Variants in ADAMTSL1 observed in about 807,000 individuals in gnomAD.
ADAMTSL1 encodes ADAMTS like 1, also known as ADAMTS-like protein 1.
In ADAMTSL1, 126 loss-of-function variants were observed where a neutral mutation model predicts 201.8. The observed-to-expected ratio is 0.62, with a 90% CI of 0.54 to 0.72. The LOEUF (loss-of-function observed/expected upper bound fraction) is 0.72. Among genes scored for constraint, ADAMTSL1 ranks in the 30% least tolerant of loss-of-function variants. The pLI, the probability that ADAMTSL1 is intolerant of heterozygous loss-of-function variation, is 0.00. For synonymous variants in ADAMTSL1, 1,121 were observed against 903.4 expected (o/e 1.24, Z -4.32); for missense variants, 2,679 against 2,277.8 (o/e 1.18, Z -3.59).
At chr9:18,415,112 C>T (rs1332605733) in intron 2 of ADAMTSL1, among the ~76,000 whole-genome samples, 1 of 152,126 alleles carries the variant, frequency 6.6e-6, no homozygotes, top group Non-Finnish European at 1.5e-5. Context: ...AGAATGTTTA[C>T]ATAAATACAG....
intron 2 of ADAMTSL1, among the ~76,000 whole-genome samples, chr9:18,311,466 A>G (rs1834154140): frequency 6.6e-6 from 1 of 152,142 alleles, no homozygotes; most frequent in African/African-American, 2.4e-5. Flanking sequence ...TATCAAAGTT[A>G]CCAAGGGTAG....
chr9:18,530,328 A>G (rs1029678571), intron 2 of ADAMTSL1, among the ~76,000 whole-genome samples: 4 of 152,176 alleles, frequency 2.6e-5, no homozygotes, highest in Admixed American at 1.3e-4. Flanking sequence ...TTTCATGGAT[A>G]TAAGGTTAGG....
chr9:18,142,906 A>G (rs1826461804), intron 1 of ADAMTSL1, among the ~76,000 whole-genome samples: 1 of 152,202 alleles, frequency 6.6e-6, no homozygotes, highest in South Asian at 2.1e-4. Context: ...TTTGTTTTCT[A>G]GTCTATCACA....
intron 2 of ADAMTSL1, among the ~76,000 whole-genome samples, chr9:18,305,318 T>G (rs1485126893): frequency 2.6e-5 from 4 of 152,174 alleles, no homozygotes; most frequent in Non-Finnish European, 5.9e-5. Context: ...GGAGATTTTT[T>G]TCATTCCCCA....
chr9:18,773,397 CA>C (rs144410427), intron 17 of ADAMTSL1, among the ~76,000 whole-genome samples: 1 of 151,602 alleles, frequency 6.6e-6, no homozygotes, highest in African/African-American at 2.4e-5. Context: ...CCTTTCCCCC[CA>C]AAAAAAATTC....
At chr9:18,719,793 C>A (rs2133413238) in intron 14 of ADAMTSL1, among the ~76,000 whole-genome samples, 1 of 152,236 alleles carries the variant, frequency 6.6e-6, no homozygotes, top group South Asian at 2.1e-4. Context: ...TCACATCAAC[C>A]TAGGAAGTAT....
intron 2 of ADAMTSL1, among the ~76,000 whole-genome samples, chr9:18,391,338 A>G (rs1251001492): frequency 6.6e-6 from 1 of 152,210 alleles, no homozygotes; most frequent in African/African-American, 2.4e-5. Flanking sequence ...CATCCGTGTT[A>G]TAATAGTTTG....
At chr9:18,190,354 C>G (rs1361163215) in intron 2 of ADAMTSL1, among the ~76,000 whole-genome samples, 1 of 152,164 alleles carries the variant, frequency 6.6e-6, no homozygotes, top group South Asian at 2.1e-4. Context: ...AATGGAAAAT[C>G]CATCTAAGCT....
intron 9 of ADAMTSL1, among the ~76,000 whole-genome samples, chr9:18,664,363 G>C (rs1829300467): frequency 6.6e-6 from 1 of 151,954 alleles, no homozygotes; most frequent in Admixed American, 6.6e-5. Flanking sequence ...AGACAGTGCA[G>C]AATCAAACCC....
chr9:18,691,510 A>T (rs1004942942), intron 13 of ADAMTSL1, among the ~76,000 whole-genome samples: 1 of 152,192 alleles, frequency 6.6e-6, no homozygotes, highest in African/African-American at 2.4e-5. Context: ...AGGCTATAGA[A>T]ACTACAGATA....
chr9:18,594,963 C>T (rs550543126), intron 4 of ADAMTSL1, among the ~76,000 whole-genome samples: 1 of 152,228 alleles, frequency 6.6e-6, no homozygotes, highest in South Asian at 2.1e-4. Context: ...GAGGGCCTTC[C>T]AGGGATTCTA....
At chr9:18,503,540 C>T (rs1256037167) in intron 1 of ADAMTSL1, among the ~76,000 whole-genome samples, 1 of 151,468 alleles carries the variant, frequency 6.6e-6, no homozygotes, top group East Asian at 1.9e-4. Context: ...CAAAAAGATT[C>T]ATTGATTCAT....
intron 1 of ADAMTSL1, among the ~76,000 whole-genome samples, chr9:18,489,956 G>A (rs1822186138): frequency 6.6e-6 from 1 of 152,142 alleles, no homozygotes; most frequent in Non-Finnish European, 1.5e-5. Context: ...GTAGTATTAT[G>A]AGGATCAAAT....
chr9:18,029,594 A>G (rs1029731598), intron 1 of ADAMTSL1, among the ~76,000 whole-genome samples: 4 of 152,130 alleles, frequency 2.6e-5, no homozygotes, highest in Admixed American at 6.5e-5. Context: ...AGAAACTACC[A>G]TCAGAGTGAA....
intron 2 of ADAMTSL1, among the ~76,000 whole-genome samples, chr9:18,369,303 G>C (rs922247075): frequency 1.3e-5 from 2 of 152,110 alleles, no homozygotes; most frequent in African/African-American, 4.8e-5. Context: ...TTTCTTGTCT[G>C]TAAAATGGAT....
chr9:17,999,306 C>A (rs562327132), intron 1 of ADAMTSL1, among the ~76,000 whole-genome samples: 1 of 151,542 alleles, frequency 6.6e-6, no homozygotes, highest in African/African-American at 2.4e-5. Context: ...ACTGGTGAAG[C>A]CTATCACAGA....
At chr9:18,456,709 CT>C (rs1218473914) in intron 2 of ADAMTSL1, among the ~76,000 whole-genome samples, 1 of 152,150 alleles carries the variant, frequency 6.6e-6, no homozygotes, top group Non-Finnish European at 1.5e-5. Context: ...CTCACGCCAA[CT>C]TGCTTTAATT....
chr9:18,600,288 G>A (rs1824554471), intron 4 of ADAMTSL1, among the ~76,000 whole-genome samples: 1 of 152,152 alleles, frequency 6.6e-6, no homozygotes, highest in Admixed American at 6.5e-5. Flanking sequence ...CTCTAACCAT[G>A]CCAGACACTC....
rs567325200 is a variant in ADAMTSL1 at position 18,293,157 on chromosome 9, A to G, written c.207+129176A>G. ...ATGTGTACCACATTTTCTTTATCCA[A>G]TCCACCACTGATGGGCACCTAGGTT... On this transcript the variant is annotated intron_variant, in intron 2 of 29. Coordinates refer to the ADAMTSL1 transcript ENST00000680146. 7.6e-4 allele frequency among the ~76,000 whole-genome samples: 115 copies of G among 152,304 alleles called. No individual in the cohort carries two copies. In the South Asian group the frequency reaches 0.021, roughly 28 times the overall value.
Sources: allele counts gnomAD v4.1 joint callset (sites outside exome capture counted in the v4.1 genomes callset), GRCh38; gene constraint gnomAD v4.1.1; transcripts MANE v1.5; gene names NCBI Gene and HGNC (gene_info 2026-07-23, HGNC 2026-07-21).